The following PTCHD4 variants were observed in gnomAD, a reference collection of about 807,000 sequenced individuals.
The protein encoded by PTCHD4 is patched domain-containing protein 4.
In PTCHD4, 33 loss-of-function variants were observed where a neutral mutation model predicts 58.1. The ratio of observed to expected loss-of-function variants is 0.57; its 90% CI spans 0.43 to 0.76. The LOEUF is 0.76. Among genes scored for constraint, PTCHD4 ranks in the 30% least tolerant of loss-of-function variants. The pLI is 0.00. For synonymous variants in PTCHD4, 478 were observed against 409.6 expected, an observed-to-expected ratio of 1.17 and a Z score of -2.02; for missense variants, 1,058 against 1,027.1, an observed-to-expected ratio of 1.03 and a Z score of -0.41.
chr6:48,019,406 C>A (rs868410324), intron 3 of PTCHD4, among the ~76,000 whole-genome samples: 1 of 151,468 alleles, frequency 6.6e-6, no homozygotes, highest in Non-Finnish European at 1.5e-5. Flanking sequence ...GGTGTGGGGT[C>A]AGGGAAAGAT....
At chr6:47,925,159 T>C (rs1765564948) in intron 4 of PTCHD4, among the ~76,000 whole-genome samples, 1 of 149,680 alleles carries the variant, frequency 6.7e-6, no homozygotes, top group South Asian at 2.1e-4. Flanking sequence ...TGTATATGTG[T>C]TTATATGTGT....
At chr6:47,971,978 C>T (rs576489293) in intron 4 of PTCHD4, among the ~76,000 whole-genome samples, 6 of 152,130 alleles carry the variant, frequency 3.9e-5, no homozygotes, top group South Asian at 2.1e-4. Context: ...AAAAGCAAGA[C>T]AATTACTAAC....
chr6:47,930,824 C>T lies in PTCHD4; in HGVS notation c.899-50888G>A, dbSNP rs1326306108. Among the ~76,000 whole-genome samples the T allele has an allele frequency of 4.6e-5, 7 of 152,122 alleles. No individual in the cohort carries two copies. The East Asian group carries it at 5.8e-4, about 13-fold the overall frequency. On this transcript the variant is annotated intron_variant, in intron 4 of 4. Coordinates refer to ENST00000339488, the MANE Select transcript of PTCHD4 (RefSeq NM_001384253.1). ...ATTATTATTTTTTGAGATGGAGTCT[C>T]GCTCTGTTGCCCAGGCTGGAGGGCA...
chr6:48,090,975 C>T (rs892579992), intron 1 of PTCHD4, among the ~76,000 whole-genome samples: 1 of 152,098 alleles, frequency 6.6e-6, no homozygotes, highest in East Asian at 1.9e-4. Flanking sequence ...CCTGAAATCG[C>T]TTTTTCTATT....
intron 1 of PTCHD4, among the ~76,000 whole-genome samples, chr6:48,102,641 C>T (rs183499106): frequency 1.3e-4 from 20 of 152,250 alleles, no homozygotes; most frequent in East Asian, 5.8e-4. Flanking sequence ...GTGCACCATG[C>T]GTGAGCCGAA....
At chr6:47,975,303 T>C (rs1039103050) in intron 4 of PTCHD4, among the ~76,000 whole-genome samples, 5 of 152,228 alleles carry the variant, frequency 3.3e-5, no homozygotes, top group Non-Finnish European at 5.9e-5. Context: ...AAATTTATGA[T>C]GCATTCTGGC....
chr6:47,882,741 G>GAT (rs1554149146), intron 4 of PTCHD4, among the ~76,000 whole-genome samples: 3,838 of 102,428 alleles, frequency 0.037, 332 homozygotes, highest in African/African-American at 0.11. Flanking sequence ...TGATTCCAGT[G>GAT]ATATATATAT....
chr6:47,993,570 G>C (rs767607520), intron 4 of PTCHD4, among the ~76,000 whole-genome samples: 12 of 152,314 alleles, frequency 7.9e-5, no homozygotes, highest in Non-Finnish European at 1.0e-4. Flanking sequence ...CAGATATCCA[G>C]GTGTCAGTTG....
chr6:48,015,745 T>C (rs1205671022), intron 3 of PTCHD4, among the ~76,000 whole-genome samples: 1 of 151,998 alleles, frequency 6.6e-6, no homozygotes, highest in Non-Finnish European at 1.5e-5. Context: ...ATTGCTCCTT[T>C]TTGTGTCCTC....
chr6:48,074,280 C>T (rs980541838), intron 1 of PTCHD4, among the ~76,000 whole-genome samples: 1 of 152,148 alleles, frequency 6.6e-6, no homozygotes, highest in Non-Finnish European at 1.5e-5. Context: ...AAGATGTCCA[C>T]AAGAACAGTA....
chr6:48,110,038 A>G (rs1460915768), intron 1 of PTCHD4, among the ~76,000 whole-genome samples: 1 of 152,158 alleles, frequency 6.6e-6, no homozygotes, highest in Admixed American at 6.6e-5. Context: ...AGCCAGTTTA[A>G]CACAGCACGG....
Position 48,069,474 on chromosome 6 carries a change from C to A in PTCHD4, c.-517G>T, listed in dbSNP as rs1200900673. 2.6e-5 allele frequency among the ~76,000 whole-genome samples: 4 copies of A among 152,152 alleles called. No homozygotes were observed. The highest frequency in any genetic ancestry group is 9.7e-5 in the African/African-American group (4 of 41,430). On this transcript the variant is annotated 5_prime_UTR_variant, in exon 2 of 5. It removes an upstream start codon present in the reference 5' UTR. Transcript: ENST00000339488. ...AAAAGGAGCAGAGAGGATGATGCTG[C>A]ATTTTTAACACACCACACAGCATGC...
chr6:47,943,368 A>G (rs1331647500), intron 4 of PTCHD4, among the ~76,000 whole-genome samples: 1 of 152,130 alleles, frequency 6.6e-6, no homozygotes, highest in Non-Finnish European at 1.5e-5. Context: ...CTTATTTTTT[A>G]TCATTCAGTA....
chr6:47,896,854 G>C (rs1472775062), intron 4 of PTCHD4, among the ~76,000 whole-genome samples: 1 of 152,118 alleles, frequency 6.6e-6, no homozygotes, highest in African/African-American at 2.4e-5. Flanking sequence ...CAAATGTACA[G>C]AGTTCTTTTG....
At chr6:48,006,834 A>G (rs1762455389) in intron 4 of PTCHD4, among the ~76,000 whole-genome samples, 1 of 152,218 alleles carries the variant, frequency 6.6e-6, no homozygotes, top group Non-Finnish European at 1.5e-5. Context: ...TTTACTTAGC[A>G]TTTACTATAG....
rs1763549822 is a variant in PTCHD4 at position 47,865,801 on chromosome 6, TA to T, written c.*12501del. ...ATTTTGAATCTAATAATAATAATAATAAAAAGTAATCTGAGTCCATCAAATC... is the reference window on the plus strand; with the variant it reads ...ATTTTGAATCTAATAATAATAATAATAAAAGTAATCTGAGTCCATCAAATC... On this transcript the variant is annotated 3_prime_UTR_variant, in exon 5 of 5. Coordinates refer to ENST00000339488, the MANE Select transcript of PTCHD4 (RefSeq NM_001384253.1). 6.6e-6 allele frequency among the ~76,000 whole-genome samples: 1 copy of T among 151,800 alleles called. No homozygotes were observed. The highest frequency in any genetic ancestry group is 1.5e-5 in the Non-Finnish European group (1 of 67,854).
chr6:48,103,888 A>T (rs1322776845), intron 1 of PTCHD4, among the ~76,000 whole-genome samples: 3 of 152,182 alleles, frequency 2.0e-5, no homozygotes, highest in Non-Finnish European at 2.9e-5. Flanking sequence ...AAGTGTGAAG[A>T]GAAGTTTAGA....
Position 48,053,129 on chromosome 6 carries a change from G to T in PTCHD4, c.417+15101C>A, listed in dbSNP as rs145899694. Among the ~76,000 whole-genome samples the T allele has an allele frequency of 4.8e-3, 725 of 152,178 alleles. 10 individuals carry two copies. Among genetic ancestry groups the T allele is most frequent in the African/African-American group, 0.017 (697 of 41,528 alleles). ...CCAGGATCCTTATATGAATGAATGA[G>T]AGATCTCAGGTTTGCTAAAACTAGT... is the stretch of plus-strand genomic sequence containing the variant. On this transcript the variant is annotated intron_variant, in intron 3 of 4. Transcript: ENST00000339488.
At chr6:48,092,335 C>A (rs1177751606) in intron 1 of PTCHD4, among the ~76,000 whole-genome samples, 1 of 152,180 alleles carries the variant, frequency 6.6e-6, no homozygotes, top group Non-Finnish European at 1.5e-5. Flanking sequence ...ACTGGCCTTA[C>A]CAAATACTAA....
Sources: gnomAD v4.1 joint callset for allele counts (sites outside exome capture counted in the v4.1 genomes callset) on GRCh38, gnomAD v4.1.1 for gene constraint, MANE v1.5 for transcripts, NCBI Gene and HGNC (gene_info 2026-07-23, HGNC 2026-07-21) for gene names.